FOXN2: variants seen among roughly 807,000 people sequenced by gnomAD.
The protein encoded by FOXN2 is forkhead box protein N2.
In FOXN2, 19 loss-of-function variants were observed where a neutral mutation model predicts 41.2. The observed-to-expected ratio is 0.46, with a 90% CI of 0.32 to 0.68. The LOEUF (loss-of-function observed/expected upper bound fraction) is 0.68, where lower values mean the gene tolerates loss of function less well. Ranked by LOEUF, FOXN2 falls within the 30% of genes least tolerant of loss-of-function variation. The pLI is 0.03. For missense variants in FOXN2, 587 were observed against 509.4 expected (o/e 1.15, Z -1.47); for synonymous variants, 195 against 176.8 (o/e 1.10, Z -0.82).
chr2:48,369,786 G>A (rs748854275), intron 5 of FOXN2, among the ~76,000 whole-genome samples: 3 of 152,054 alleles, frequency 2.0e-5, no homozygotes, highest in South Asian at 4.2e-4. Context: ...AGCCTGAGGC[G>A]GGAGGATCAC....
intron 1 of FOXN2, among the ~76,000 whole-genome samples, chr2:48,315,606 C>T (rs1330238170): frequency 6.6e-6 from 1 of 152,214 alleles, no homozygotes; most frequent in Non-Finnish European, 1.5e-5. Flanking sequence ...GGCCTTCAGC[C>T]TTTCAAGTTT....
intron 1 of FOXN2, among the ~76,000 whole-genome samples, chr2:48,319,663 G>A (rs1170392767): frequency 1.4e-5 from 2 of 147,620 alleles, no homozygotes; most frequent in African/African-American, 2.5e-5. Flanking sequence ...CTGCTGGAGT[G>A]CAGTGGTAAC....
intron 1 of FOXN2, among the ~76,000 whole-genome samples, chr2:48,325,030 G>A (rs1055452620): frequency 1.3e-5 from 2 of 152,218 alleles, no homozygotes; most frequent in East Asian, 3.8e-4. Flanking sequence ...AACAGGATTA[G>A]TATAGTTTGG....
chr2:48,359,319 A>C (rs1672018436), intron 4 of FOXN2, among the ~76,000 whole-genome samples, 172 bp downstream of exon 4: 1 of 152,152 alleles, frequency 6.6e-6, no homozygotes, highest in Admixed American at 6.5e-5. Flanking sequence ...TTGTGGACAC[A>C]GTCTTACTCT....
chr2:48,322,406 C>G (rs1315656443), intron 1 of FOXN2, among the ~76,000 whole-genome samples: 1 of 151,936 alleles, frequency 6.6e-6, no homozygotes, highest in Non-Finnish European at 1.5e-5. Context: ...AAAAAGTAAC[C>G]ACTGTCCTGG....
chr2:48,368,473 TGGGCAACATGGTGAAACCCCATCTCTA>T (rs1217707823), intron 5 of FOXN2, among the ~76,000 whole-genome samples: 21 of 152,104 alleles, frequency 1.4e-4, no homozygotes, highest in East Asian at 1.2e-3. Flanking sequence ...AAGACCAGCC[TGGGCAACATGGTGAAACCCCATCTCTA>T]GGGCAACATG....
chr2:48,325,132 A>C (rs1669577661), intron 1 of FOXN2, among the ~76,000 whole-genome samples: 1 of 152,194 alleles, frequency 6.6e-6, no homozygotes, highest in Non-Finnish European at 1.5e-5. Flanking sequence ...GGTCTTTTGT[A>C]CTTAAAAAGC....
chr2:48,356,788 A>G (rs1328516634), intron 3 of FOXN2, among the ~76,000 whole-genome samples: 1 of 152,214 alleles, frequency 6.6e-6, no homozygotes, highest in African/African-American at 2.4e-5. Flanking sequence ...TTCTGTTAAG[A>G]CAATTCTTTT....
rs537045403 is a variant in FOXN2, at chr2:48,330,341, G to A, written c.-15+1639G>A. On this transcript the variant is annotated intron_variant, in intron 2 of 6. Transcript: ENST00000340553. The stretch of plus-strand genomic sequence containing the variant: ...TTCTTTTATTATGTATTAAATCTTA[G>A]TGGCAAAGCTTATAAAATTGCAGTG... Among the ~76,000 whole-genome samples, 8 of 152,252 alleles carry A rather than the reference G, an allele frequency of 5.3e-5. No homozygotes were observed. The South Asian group carries it at 8.3e-4, about 16-fold the overall frequency.
At chr2:48,345,932 T>G (rs1289592408) in intron 2 of FOXN2, among the ~76,000 whole-genome samples, 1 of 152,192 alleles carries the variant, frequency 6.6e-6, no homozygotes, top group Non-Finnish European at 1.5e-5. Context: ...ACTAAGTATT[T>G]AAAATACACT....
At position 48,375,045 on chromosome 2, in the gene FOXN2, G is replaced by A. The variant is rs1673149602; in HGVS notation, c.898G>A (p.Glu300Lys). ...TTTAGCCACCAGCATTGATCCAAAA[G>A]AAGATCACAATTACAGTGCAAGTAG... ...DSLATSIDPKEDHNYSASSMA... is the reference protein window; with the variant it reads ...DSLATSIDPKKDHNYSASSMA... The change falls in exon 7 of 7, where the codon GAA (glutamate) becomes AAA (lysine). Residue 300 changes from glutamate (E) to lysine (K), a missense_variant. Transcript: ENST00000340553. The A allele has an allele frequency of 6.2e-7, 1 of 1,613,930 alleles. No individual in the cohort carries two copies. Among genetic ancestry groups the A allele is most frequent in the South Asian group, 1.1e-5 (1 of 91,086 alleles).
intron 3 of FOXN2, among the ~76,000 whole-genome samples, chr2:48,353,313 C>G: frequency 7.1e-6 from 1 of 140,548 alleles, no homozygotes; most frequent in Non-Finnish European, 1.6e-5. Context: ...TTTTGTTCCT[C>G]TATCTACACT....
rs1482783231 is a variant in FOXN2 at position 48,359,134 on chromosome 2, G to A, written c.625G>A (p.Ala209Thr). ...ACTGAAGAAGCAACCTTTTTCTTCA[G>A]CATCTTCACAAAAGTAAGGATCTTC... ...QALKKQPFSS[A>T]SSQNGSLSPH... The change falls in exon 4 of 7, where the codon GCA becomes ACA. Residue 209 changes from alanine to threonine, a missense_variant. By Grantham distance (58) the Ala-to-Thr change is moderately conservative. Coordinates refer to ENST00000340553, the MANE Select transcript of FOXN2 (RefSeq NM_002158.4). The A allele has an allele frequency of 4.1e-5, 66 of 1,612,926 alleles. No homozygotes were observed. Among genetic ancestry groups the A allele is most frequent in the Non-Finnish European group, 5.2e-5 (61 of 1,179,202 alleles).
intron 5 of FOXN2, among the ~76,000 whole-genome samples, chr2:48,372,100 C>G (rs1295071079): frequency 6.6e-6 from 1 of 152,096 alleles, no homozygotes; most frequent in African/African-American, 2.4e-5. Context: ...GCATCCTTTT[C>G]TTGTTTCAGT....
chr2:48,321,213 G>C (rs931230142), intron 1 of FOXN2, among the ~76,000 whole-genome samples: 3 of 152,054 alleles, frequency 2.0e-5, no homozygotes, highest in Non-Finnish European at 4.4e-5. Flanking sequence ...GACTGAATTG[G>C]GGTGGGAAAT....
intron 2 of FOXN2, among the ~76,000 whole-genome samples, chr2:48,345,506 AAG>A (rs1671041107): frequency 6.6e-6 from 1 of 152,132 alleles, no homozygotes; most frequent in Non-Finnish European, 1.5e-5. Context: ...TCTCACCACA[AAG>A]AGAGATAGGT....
chr2:48,355,893 T>G (rs1671760726), intron 3 of FOXN2, among the ~76,000 whole-genome samples: 1 of 152,206 alleles, frequency 6.6e-6, no homozygotes, highest in African/African-American at 2.4e-5. Context: ...GTCTCTGGAT[T>G]TTAAATTTGT....
Position 48,376,876 on chromosome 2 carries a change from A to G in FOXN2, c.*1433A>G, listed in dbSNP as rs1673287338. On this transcript the variant is annotated 3_prime_UTR_variant, in exon 7 of 7. Transcript: ENST00000340553. ...TTTTCATTATTCTGATAGATTGTAT[A>G]CATATGTACACATACATATACACAT... is the stretch of plus-strand genomic sequence containing the variant. 1 of 152,486 alleles carries G rather than the reference A, an allele frequency of 6.6e-6. No individual in the cohort carries two copies. The highest frequency in any genetic ancestry group is 6.6e-5 in the Admixed American group (1 of 15,266). The allele number at this position is 152,486 out of a possible 1,614,324, so 9.4% of individuals were successfully genotyped here.
At chr2:48,345,290 T>TA (rs1671021892) in intron 2 of FOXN2, among the ~76,000 whole-genome samples, 3 of 152,174 alleles carry the variant, frequency 2.0e-5, no homozygotes, top group South Asian at 2.1e-4. Flanking sequence ...TTGTTAGACT[T>TA]ACGGAAGTAT....
Sources: gnomAD v4.1 joint callset for allele counts (sites outside exome capture counted in the v4.1 genomes callset) on GRCh38, gnomAD v4.1.1 for gene constraint, MANE v1.5 for transcripts, NCBI Gene and HGNC (gene_info 2026-07-23, HGNC 2026-07-21) for gene names.